The following ARFGAP1 variants were observed in gnomAD, a reference collection of about 807,000 sequenced individuals.
ARFGAP1 encodes ADP-ribosylation factor GTPase-activating protein 1.
A neutral mutation model predicts 54.0 loss-of-function variants in ARFGAP1; 26 were observed. The ratio of observed to expected loss-of-function variants is 0.48; its 90% CI spans 0.35 to 0.67. The LOEUF (loss-of-function observed/expected upper bound fraction) is 0.67, where lower values mean the gene tolerates loss of function less well. ARFGAP1 is among the 30% of genes least tolerant of loss of function. The pLI is 0.00. For synonymous variants in ARFGAP1, 248 were observed against 211.9 expected, an observed-to-expected ratio of 1.17 and a Z score of -1.48; for missense variants, 525 against 535.8, an observed-to-expected ratio of 0.98 and a Z score of 0.20.
chr20:63,285,576 G>T (rs529357505), intron 10 of ARFGAP1, 78 bp from the exon 11 acceptor site: 4 of 1,483,660 alleles, frequency 2.7e-6, no homozygotes, highest in Non-Finnish European at 3.8e-6. Flanking sequence ...GCCCTCACCC[G>T]GGGGATTCCT....
intron 9 of ARFGAP1, chr20:63,283,254 C>T (rs183884704): frequency 4.7e-5 from 12 of 253,836 alleles, no homozygotes; most frequent in East Asian, 9.2e-5. Context: ...GGCAACGGAG[C>T]GTCTCTTTGC....
In ARFGAP1 at chr20:63,288,097, C is replaced by T. The variant is rs1257397328; in HGVS notation, c.*224C>T. 1 of 613,092 alleles carries T rather than the reference C, an allele frequency of 1.6e-6. No homozygotes were observed. Among genetic ancestry groups the T allele is most frequent in the Non-Finnish European group, 2.9e-6 (1 of 347,310 alleles). The allele number at this position is 613,092 out of a possible 1,614,324, so 38.0% of individuals were successfully genotyped here. ...CTGTCCAGCCTGTGTGGGGGCCGTC[C>T]CGTCCCACACTCCCCTGGGCATTCT... On this transcript the variant is annotated 3_prime_UTR_variant, in exon 13 of 13. Coordinates refer to ENST00000370283, the MANE Select transcript of ARFGAP1 (RefSeq NM_018209.4).
In ARFGAP1 at chr20:63,288,221, T is replaced by TCTGGGGC. The variant is rs2067617796; in HGVS notation, c.*354_*360dup. The TCTGGGGC allele has an allele frequency of 1.3e-5, 7 of 557,594 alleles. No individual in the cohort carries two copies. The highest frequency in any genetic ancestry group is 1.1e-4 in the South Asian group (7 of 62,150). The allele number at this position is 557,594 out of a possible 1,614,324, so 34.5% of individuals were successfully genotyped here. A position where few individuals can be genotyped will look rare whatever the true frequency, so the allele number is the denominator to read the frequency against. On this transcript the variant is annotated 3_prime_UTR_variant, in exon 13 of 13. Transcript: ENST00000370283. ...AGCGGCCAGTTCACTACGCAGTATC[T>TCTGGGGC]CTGGGGCCTGGGACCAGCCACGTGC...
intron 7 of ARFGAP1, 108 bp from the exon 8 acceptor site, chr20:63,281,183 G>A (rs2123263464): frequency 8.2e-7 from 1 of 1,221,954 alleles, no homozygotes; most frequent in Non-Finnish European, 1.1e-6. Context: ...TGGGACGGGG[G>A]CCTGGGGCAG....
At chr20:63,278,782 TG>T in intron 6 of ARFGAP1, 116 bp from the exon 7 acceptor site, 2 of 805,658 alleles carry the variant, frequency 2.5e-6, no homozygotes, top group Non-Finnish European at 4.1e-6. Flanking sequence ...GTCCTGTGCG[TG>T]GGGACGTTGG....
At chr20:63,279,119 C>A in intron 7 of ARFGAP1, 124 bp downstream of exon 7, 1 of 986,698 alleles carries the variant, frequency 1.0e-6, no homozygotes, top group Non-Finnish European at 1.6e-6. Flanking sequence ...GATCTAAGGA[C>A]CCCTCCCTTA....
At chr20:63,285,374 A>G in intron 10 of ARFGAP1, 1 of 539,876 alleles carries the variant, frequency 1.9e-6, no homozygotes, top group Admixed American at 3.2e-5. Context: ...AGTGGGGAAG[A>G]CCCACCTGGG....
At chr20:63,279,055 G>T in intron 7 of ARFGAP1, 60 bp downstream of exon 7, 2 of 1,509,606 alleles carry the variant, frequency 1.3e-6, no homozygotes, top group Non-Finnish European at 1.8e-6. Context: ...AGGGCACGAC[G>T]GGCCATAGTG....
At chr20:63,277,353 A>G in intron 5 of ARFGAP1, 48 bp downstream of exon 5, 2 of 1,483,464 alleles carry the variant, frequency 1.3e-6, no homozygotes, top group Non-Finnish European at 1.8e-6. Flanking sequence ...TGGGTCCTGA[A>G]CTTAGTAGAT....
intron 9 of ARFGAP1, chr20:63,284,122 G>C (rs1389033973): frequency 7.5e-7 from 1 of 1,341,388 alleles, no homozygotes; most frequent in Non-Finnish European, 9.5e-7. Context: ...AAAAAAATGA[G>C]ACCCCCATCT....
Position 63,287,644 on chromosome 20 carries a change from C to T in ARFGAP1, c.992C>T (p.Thr331Ile), listed in dbSNP as rs2067595893. 4.3e-6 allele frequency: 7 copies of T among 1,612,510 alleles called. No homozygotes were observed. The highest frequency in any genetic ancestry group is 5.1e-6 in the Non-Finnish European group (6 of 1,179,938). The change falls in exon 13 of 13, where the codon ACC (threonine) becomes ATC (isoleucine). Residue 331 changes from threonine (T) to isoleucine (I), a missense_variant. Coordinates refer to ENST00000370283, the MANE Select transcript of ARFGAP1 (RefSeq NM_018209.4). ...NSNIDQSFWE[T>I]FGSAEPTKTR... ...AACATAGACCAGAGCTTCTGGGAGA[C>T]CTTTGGAAGTGCTGAGCCCACCAAG... is the stretch of plus-strand genomic sequence containing the variant.
At chr20:63,284,080 C>T in intron 9 of ARFGAP1, 2 of 1,395,924 alleles carry the variant, frequency 1.4e-6, no homozygotes, top group Non-Finnish European at 1.9e-6. Context: ...TGCCTGTCAC[C>T]CCTGCGCAGT....
intron 7 of ARFGAP1, 52 bp downstream of exon 7, chr20:63,279,047 G>GGCGT (rs746991907): frequency 3.7e-5 from 58 of 1,568,424 alleles, no homozygotes; most frequent in Middle Eastern, 1.7e-4. Context: ...CCGCCCTGAG[G>GGCGT]GCACGACGGG....
chr20:63,280,673 T>C (rs1324505866), intron 7 of ARFGAP1, among the ~76,000 whole-genome samples: 1 of 152,222 alleles, frequency 6.6e-6, no homozygotes. Context: ...AAGCGCATTT[T>C]TCCAGCCTGT....
intron 7 of ARFGAP1, 37 bp downstream of exon 7, chr20:63,279,032 AGACCCC>A (rs1487713517): frequency 1.2e-6 from 2 of 1,605,104 alleles, no homozygotes; most frequent in Non-Finnish European, 8.5e-7. Flanking sequence ...TCCCATGGGC[AGACCCC>A]GCCCTGAGGG....
intron 2 of ARFGAP1, 64 bp downstream of exon 2, chr20:63,275,704 T>TG: frequency 6.6e-7 from 1 of 1,519,878 alleles, no homozygotes; most frequent in Non-Finnish European, 9.1e-7. Flanking sequence ...TCCGGGAAGT[T>TG]GTACTCTGAG....
intron 7 of ARFGAP1, among the ~76,000 whole-genome samples, chr20:63,280,019 G>A (rs2067338434): frequency 6.6e-6 from 1 of 152,120 alleles, no homozygotes; most frequent in South Asian, 2.1e-4. Flanking sequence ...CATGTGCCTT[G>A]TAGCCCCAGC....
chr20:63,279,630 A>C (rs1037317201), intron 7 of ARFGAP1, among the ~76,000 whole-genome samples: 26 of 152,160 alleles, frequency 1.7e-4, no homozygotes, highest in Non-Finnish European at 2.9e-5. Context: ...TGCTACATGC[A>C]TTGGGAAGCT....
chr20:63,275,768 G>T (rs1461787446), intron 2 of ARFGAP1, 128 bp downstream of exon 2: 18 of 941,276 alleles, frequency 1.9e-5, no homozygotes, highest in African/African-American at 4.9e-5. Context: ...GGCTCTGGAC[G>T]TGCATGGCTT....
Sources: allele counts gnomAD v4.1 joint callset (sites outside exome capture counted in the v4.1 genomes callset), GRCh38; gene constraint gnomAD v4.1.1; transcripts MANE v1.5; gene names NCBI Gene and HGNC (gene_info 2026-07-23, HGNC 2026-07-21).